DBNL: variants seen among roughly 807,000 people sequenced by gnomAD.
DBNL encodes the protein drebrin like.
DBNL carries 35 observed loss-of-function variants against 62.2 expected under a neutral mutation model. The ratio of observed to expected loss-of-function variants is 0.56; its 90% CI spans 0.43 to 0.75. The LOEUF is 0.75. DBNL is among the 30% of genes least tolerant of loss of function. DBNL has a pLI of 0.00. For missense variants in DBNL, 495 were observed against 578.4 expected, an observed-to-expected ratio of 0.86 and a Z score of 1.48; for synonymous variants, 197 against 218.0, an observed-to-expected ratio of 0.90 and a Z score of 0.85.
chr7:44,064,796 C>CCCCCCCCCG lies in DBNL; in HGVS notation c.*3880_*3881insCCCCCCCCG. 2 of 1,158,932 alleles carry CCCCCCCCCG rather than the reference C, an allele frequency of 1.7e-6. No homozygotes were observed. Among genetic ancestry groups the CCCCCCCCCG allele is most frequent in the Non-Finnish European group, 2.5e-6 (2 of 790,590 alleles). The allele number at this position is 1,158,932 out of a possible 1,614,324, so 71.8% of individuals were successfully genotyped here. A position where few individuals can be genotyped will look rare whatever the true frequency, so the allele number is the denominator to read the frequency against. The stretch of plus-strand genomic sequence containing the variant: ...TGAGAAGCCAGCTGGGGCTGCTGCC[C>CCCCCCCCCG]ACCCACCCTGCCCAGGCTCCTGAAG... On this transcript the variant is annotated 3_prime_UTR_variant, in exon 13 of 13. Coordinates refer to ENST00000448521, the MANE Select transcript of DBNL (RefSeq NM_001014436.3).
At position 44,062,432 on chromosome 7, in the gene DBNL, G is replaced by A; in HGVS notation, c.*1516G>A. 2.7e-6 allele frequency: 1 copy of A among 372,834 alleles called. No homozygotes were observed. Among genetic ancestry groups the A allele is most frequent in the South Asian group, 2.3e-5 (1 of 43,296 alleles). 23.1% of individuals were successfully genotyped at this position (372,834 alleles called of 1,614,324 possible). On this transcript the variant is annotated 3_prime_UTR_variant, in exon 13 of 13. Transcript: ENST00000448521. ...GGCTGTGGTCCTTGCTCCCCATGGGGAGAGCTGGGTCACTTGGCCTCTTCT... is the reference window on the plus strand; with the variant it reads ...GGCTGTGGTCCTTGCTCCCCATGGGAAGAGCTGGGTCACTTGGCCTCTTCT...
chr7:44,055,204 G>A (rs561841906), intron 4 of DBNL, among the ~76,000 whole-genome samples: 10 of 152,304 alleles, frequency 6.6e-5, no homozygotes, highest in Non-Finnish European at 1.0e-4. Flanking sequence ...GATGGCTCAC[G>A]CCTGTAATCC....
rs1412372573 is a variant in DBNL at position 44,069,055 on chromosome 7, C to T, written c.*8139C>T. 3.3e-5 allele frequency: 2 copies of T among 59,878 alleles called. No individual in the cohort carries two copies. Among genetic ancestry groups the T allele is most frequent in the Non-Finnish European group, 6.3e-5 (2 of 31,500 alleles). The allele number at this position is 59,878 out of a possible 1,614,324, so 3.7% of individuals were successfully genotyped here. ...ATATCCAGTAAAAATTTCTATTTTA[C>T]TGGAATAAAAGAATGAAATAAAGAC... On this transcript the variant is annotated 3_prime_UTR_variant, in exon 13 of 13. Coordinates refer to ENST00000448521, the MANE Select transcript of DBNL (RefSeq NM_001014436.3).
In DBNL at chr7:44,044,731, G is replaced by A; in HGVS notation, c.-7G>A. On this transcript the variant is annotated 5_prime_UTR_variant, in exon 1 of 13. Coordinates refer to ENST00000448521, the MANE Select transcript of DBNL (RefSeq NM_001014436.3). Reference sequence around the variant, plus strand: ...ACAGCAGCGGCGCGGAGACTGCGGGGCGGGCCATGGCGGCGAACCTGAGCC... The same window carrying A: ...ACAGCAGCGGCGCGGAGACTGCGGGACGGGCCATGGCGGCGAACCTGAGCC... The A allele has an allele frequency of 6.7e-7, 1 of 1,499,418 alleles. No homozygotes were observed. Among genetic ancestry groups the A allele is most frequent in the Admixed American group, 2.2e-5 (1 of 45,978 alleles). The allele number at this position is 1,499,418 out of a possible 1,614,324, so 92.9% of individuals were successfully genotyped here. A position where few individuals can be genotyped will look rare whatever the true frequency, so the allele number is the denominator to read the frequency against.
chr7:44,052,734 G>A, intron 3 of DBNL, 133 bp from the exon 4 acceptor site: 1 of 1,037,930 alleles, frequency 9.6e-7, no homozygotes, highest in Admixed American at 2.2e-5. Flanking sequence ...ATGTGATGCA[G>A]TCAGAAGAAT....
chr7:44,061,068 C>A lies in DBNL; in HGVS notation c.*152C>A. 9.8e-7 allele frequency: 1 copy of A among 1,018,566 alleles called. No individual in the cohort carries two copies. The highest frequency in any genetic ancestry group is 1.7e-5 in the South Asian group (1 of 59,446). 63.1% of individuals were successfully genotyped at this position (1,018,566 alleles called of 1,614,324 possible). A position where few individuals can be genotyped will look rare whatever the true frequency, so the allele number is the denominator to read the frequency against. On this transcript the variant is annotated 3_prime_UTR_variant, in exon 13 of 13. Coordinates refer to ENST00000448521, the MANE Select transcript of DBNL (RefSeq NM_001014436.3). ...GCTCCCTCCGGCTTGGCAGACTCAGCCTGTCACCCCAAATGCAGCAATGGC... is the reference window on the plus strand; with the variant it reads ...GCTCCCTCCGGCTTGGCAGACTCAGACTGTCACCCCAAATGCAGCAATGGC...
In DBNL at chr7:44,066,437, G is replaced by A. The variant is rs1390990940; in HGVS notation, c.*5521G>A. The A allele has an allele frequency of 1.3e-5, 2 of 152,346 alleles. No individual in the cohort carries two copies. The highest frequency in any genetic ancestry group is 2.9e-5 in the Non-Finnish European group (2 of 68,116). 9.4% of individuals were successfully genotyped at this position (152,346 alleles called of 1,614,324 possible). A position where few individuals can be genotyped will look rare whatever the true frequency, so the allele number is the denominator to read the frequency against. ...AGGTTTGGGGGATGAGAGCCACCAA[G>A]GCAGGGAAGAGACTATGAGCAATAA... On this transcript the variant is annotated 3_prime_UTR_variant, in exon 13 of 13. Coordinates refer to ENST00000448521, the MANE Select transcript of DBNL (RefSeq NM_001014436.3).
chr7:44,047,468 C>T (rs571276335), intron 1 of DBNL, among the ~76,000 whole-genome samples: 35 of 152,292 alleles, frequency 2.3e-4, no homozygotes, highest in Non-Finnish European at 4.4e-4. Context: ...CTGCTTACTC[C>T]GTATCTTGGC....
chr7:44,066,408 A>C lies in DBNL; in HGVS notation c.*5492A>C, dbSNP rs201859361. 1 of 152,458 alleles carries C rather than the reference A, an allele frequency of 6.6e-6. No homozygotes were observed. Among genetic ancestry groups the C allele is most frequent in the East Asian group, 1.9e-4 (1 of 5,182 alleles). The allele number at this position is 152,458 out of a possible 1,614,324, so 9.4% of individuals were successfully genotyped here. On this transcript the variant is annotated 3_prime_UTR_variant, in exon 13 of 13. Coordinates refer to ENST00000448521, the MANE Select transcript of DBNL (RefSeq NM_001014436.3). ...TTGAGTCTAGGACCAAGACTTCTGC[A>C]TTCAGGTTTGGGGGATGAGAGCCAC...
In DBNL at chr7:44,062,568, G is replaced by A; in HGVS notation, c.*1652G>A. 1.6e-6 allele frequency: 1 copy of A among 617,410 alleles called. No homozygotes were observed. The highest frequency in any genetic ancestry group is 1.8e-5 in the African/African-American group (1 of 54,738). The allele number at this position is 617,410 out of a possible 1,614,324, so 38.2% of individuals were successfully genotyped here. A position where few individuals can be genotyped will look rare whatever the true frequency, so the allele number is the denominator to read the frequency against. ...AAACTCATGGAGTGGTTGCAGCCCTGGCTCAGTGTCCTGATGACTAGGTGT... is the reference window on the plus strand; with the variant it reads ...AAACTCATGGAGTGGTTGCAGCCCTAGCTCAGTGTCCTGATGACTAGGTGT... On this transcript the variant is annotated 3_prime_UTR_variant, in exon 13 of 13. Transcript: ENST00000448521.
At chr7:44,051,551 G>C in intron 2 of DBNL, 1 of 286,412 alleles carries the variant, frequency 3.5e-6, no homozygotes, top group Non-Finnish European at 6.6e-6. Context: ...AATTACCTCT[G>C]GGTTTAGAGA....
Position 44,060,838 on chromosome 7 carries a change from C to G in DBNL, c.1215C>G (p.Asp405Glu), listed in dbSNP as rs776468551. 6.2e-7 allele frequency: 1 copy of G among 1,613,958 alleles called. No homozygotes were observed. Among genetic ancestry groups the G allele is most frequent in the Non-Finnish European group, 8.5e-7 (1 of 1,180,010 alleles). Residue 405 changes from aspartate (D) to glutamate (E), a missense_variant, in exon 13 of 13, where the codon GAC becomes GAG. Transcript: ENST00000448521. This position sits in a 1 kb window ranked among gnomAD's most constrained non-coding sequence, Gnocchi z 6.3. ...TCATCACGGGCATCGAGGTGATCGA[C>G]GAAGGCTGGTGGCGTGGCTATGGGC... ...ENLITGIEVIDEGWWRGYGPD... is the reference protein window; with the variant it reads ...ENLITGIEVIEEGWWRGYGPD...
chr7:44,056,567 C>T (rs891475833), intron 4 of DBNL, among the ~76,000 whole-genome samples, 190 bp from the exon 5 acceptor site: 32 of 152,162 alleles, frequency 2.1e-4, no homozygotes, highest in African/African-American at 7.5e-4. Context: ...GGGGTTTGCT[C>T]CAAGTTGGTT....
rs1472539850 is a variant in DBNL, at chr7:44,067,654, A to G, written c.*6738A>G. 1 of 152,162 alleles carries G rather than the reference A, an allele frequency of 6.6e-6. No individual in the cohort carries two copies. The highest frequency in any genetic ancestry group is 1.5e-5 in the Non-Finnish European group (1 of 68,072). 9.4% of individuals were successfully genotyped at this position (152,162 alleles called of 1,614,324 possible). ...CTTGGAGGGGTACAGGGGTAGGAAA[A>G]CCAAAAGCCACCCTCAGGGCCTCCA... On this transcript the variant is annotated 3_prime_UTR_variant, in exon 13 of 13. Coordinates refer to ENST00000448521, the MANE Select transcript of DBNL (RefSeq NM_001014436.3).
Position 44,065,461 on chromosome 7 carries a change from A to C in DBNL, c.*4545A>C. 1 of 1,614,092 alleles carries C rather than the reference A, an allele frequency of 6.2e-7. No homozygotes were observed. Among genetic ancestry groups the C allele is most frequent in the Non-Finnish European group, 8.5e-7 (1 of 1,180,030 alleles). ...CACTCAGCTCTGCATCGAACCAGCC[A>C]CAGAAACGGTTCTCCTGGTTCCATG... On this transcript the variant is annotated 3_prime_UTR_variant, in exon 13 of 13. Transcript: ENST00000448521.
In DBNL at chr7:44,064,955, C is replaced by T; in HGVS notation, c.*4039C>T. 2 of 1,608,904 alleles carry T rather than the reference C, an allele frequency of 1.2e-6. No individual in the cohort carries two copies. The highest frequency in any genetic ancestry group is 8.5e-7 in the Non-Finnish European group (1 of 1,179,706). ...AAGGGCAGGGCCCGGGCAATGGTGTCCTTGAGGCTCTCGCAGGTGGGGAGT... is the reference window on the plus strand; with the variant it reads ...AAGGGCAGGGCCCGGGCAATGGTGTTCTTGAGGCTCTCGCAGGTGGGGAGT... On this transcript the variant is annotated 3_prime_UTR_variant, in exon 13 of 13. Coordinates refer to ENST00000448521, the MANE Select transcript of DBNL (RefSeq NM_001014436.3).
At position 44,063,263 on chromosome 7, in the gene DBNL, GT is replaced by G. The variant is rs1358617040; in HGVS notation, c.*2359del. On this transcript the variant is annotated 3_prime_UTR_variant, in exon 13 of 13. Coordinates refer to ENST00000448521, the MANE Select transcript of DBNL (RefSeq NM_001014436.3). The stretch of plus-strand genomic sequence containing the variant: ...GGTCAGGAAGGGACACTCACCCTTT[GT>G]TTTTTTTTTTTCTTTTCTTTTTCTT... 864 of 342,148 alleles carry G rather than the reference GT, an allele frequency of 2.5e-3. 3 individuals carry two copies. The highest frequency in any genetic ancestry group is 4.0e-3 in the South Asian group (123 of 31,066). 21.2% of individuals were successfully genotyped at this position (342,148 alleles called of 1,614,324 possible). A position where few individuals can be genotyped will look rare whatever the true frequency, so the allele number is the denominator to read the frequency against.
Position 44,063,020 on chromosome 7 carries a change from C to A in DBNL, c.*2104C>A. ...ATGTGACCTTTATGGTCCACAGAGC[C>A]AGTTCCCCTGGCACCAATTCCTTCC... On this transcript the variant is annotated 3_prime_UTR_variant, in exon 13 of 13. Transcript: ENST00000448521. 2.9e-6 allele frequency: 4 copies of A among 1,393,536 alleles called. No individual in the cohort carries two copies. The South Asian group carries it at 3.5e-5, about 12-fold the overall frequency. The allele number at this position is 1,393,536 out of a possible 1,614,324, so 86.3% of individuals were successfully genotyped here.
Position 44,059,249 on chromosome 7 carries a change from G to T in DBNL, c.836-105G>T. ...TCTGTTCCTGCACTAGCAAGAGCAA[G>T]CCCCATGAGACTGCCTCGAGCACAC... On this transcript the variant is annotated intron_variant, in intron 9 of 12. Transcript: ENST00000448521. The surrounding 1 kb of genome is among the most constrained non-coding windows in gnomAD (Gnocchi z 4.1). 8.4e-7 allele frequency: 1 copy of T among 1,194,232 alleles called. No individual in the cohort carries two copies. The allele number at this position is 1,194,232 out of a possible 1,614,324, so 74.0% of individuals were successfully genotyped here. A position where few individuals can be genotyped will look rare whatever the true frequency, so the allele number is the denominator to read the frequency against.
Sources: allele counts gnomAD v4.1 joint callset (sites outside exome capture counted in the v4.1 genomes callset), GRCh38; gene constraint gnomAD v4.1.1; non-coding constraint Gnocchi (gnomAD v3.1); transcripts MANE v1.5; gene names NCBI Gene and HGNC (gene_info 2026-07-23, HGNC 2026-07-21).